The following CDH1 variants were observed in gnomAD, a reference collection of about 807,000 sequenced individuals.
CDH1 encodes the protein cadherin 1.
In CDH1, 35 loss-of-function variants were observed where a neutral mutation model predicts 84.5. That is an observed-to-expected ratio of 0.41 (90% CI 0.32 to 0.55). The LOEUF (loss-of-function observed/expected upper bound fraction) is 0.55, where lower values mean the gene tolerates loss of function less well. Ranked by LOEUF, CDH1 falls within the 20% of genes least tolerant of loss-of-function variation. CDH1 has a pLI of 0.19. For missense variants in CDH1, 994 were observed against 1,126.6 expected (o/e 0.88, Z 1.68); for synonymous variants, 417 against 439.0 (o/e 0.95, Z 0.63).
At position 68,745,340 on chromosome 16, in the gene CDH1, A is replaced by T. The variant is rs185033464; in HGVS notation, c.163+6929A>T. On this transcript the variant is annotated intron_variant, in intron 2 of 15. Coordinates refer to ENST00000261769, the MANE Select transcript of CDH1 (RefSeq NM_004360.5). The stretch of plus-strand genomic sequence containing the variant: ...TCTACAAAGATTAAAAAAAAAATTT[A>T]GCCAGGTATGGTGGCGTGCACCTGT... Among the ~76,000 whole-genome samples the T allele has an allele frequency of 5.7e-3, 858 of 151,200 alleles. 32 individuals carry two copies. The highest frequency in any genetic ancestry group is 0.043 in the Admixed American group (646 of 15,086).
Position 68,813,355 on chromosome 16 carries a change from A to G in CDH1, c.1180A>G (p.Thr394Ala), listed in dbSNP as rs1567507749. ...VPENEANVVI[T>A]TLKVTDADAP... ...TGAGAACGAGGCTAACGTCGTAATC[A>G]CCACACTGAAAGTGACTGATGCTGA... The change falls in exon 9 of 16, where the codon ACC (threonine) becomes GCC (alanine). Residue 394 changes from threonine (T) to alanine (A), a missense_variant. Physicochemically the swap from Thr to Ala is moderately conservative, Grantham distance 58. This residue lies in a region of CDH1 where 769 missense variants were observed against 881.8 expected (regional missense o/e 0.87). Transcript: ENST00000261769. 1 of 1,614,174 alleles carries G rather than the reference A, an allele frequency of 6.2e-7. No homozygotes were observed. Among genetic ancestry groups the G allele is most frequent in the South Asian group, 1.1e-5 (1 of 91,072 alleles).
At position 68,812,272 on chromosome 16, in the gene CDH1, A is replaced by G. The variant is rs780705655; in HGVS notation, c.1137+9A>G. 12 of 1,613,836 alleles carry G rather than the reference A, an allele frequency of 7.4e-6. No homozygotes were observed. Among genetic ancestry groups the G allele is most frequent in the Middle Eastern group, 1.6e-4 (1 of 6,084 alleles). On this transcript the variant is annotated intron_variant, in intron 8 of 15. Coordinates refer to ENST00000261769, the MANE Select transcript of CDH1 (RefSeq NM_004360.5). ...TCTTCAATCCCACCACGGTAATTCTATAACTCCTTAGAGGGTTTCCAAAGA... is the reference window on the plus strand; with the variant it reads ...TCTTCAATCCCACCACGGTAATTCTGTAACTCCTTAGAGGGTTTCCAAAGA...
intron 2 of CDH1, among the ~76,000 whole-genome samples, chr16:68,797,900 G>A (rs1051433862): frequency 1.3e-5 from 2 of 151,986 alleles, no homozygotes; most frequent in African/African-American, 4.8e-5. Flanking sequence ...CCAACATGGT[G>A]AAACCTTGTC....
chr16:68,781,959 G>A (rs1939067530), intron 2 of CDH1, among the ~76,000 whole-genome samples: 1 of 152,074 alleles, frequency 6.6e-6, no homozygotes, highest in South Asian at 2.1e-4. Context: ...TCAAGGAGGG[G>A]GTCAGAAAAA....
chr16:68,833,375 C>T lies in CDH1; in HGVS notation c.2525C>T (p.Ala842Val), dbSNP rs1961537969. ...GACTATGAAGGAAGCGGTTCCGAAG[C>T]TGCTAGTCTGAGCTCCCTGAACTCC... ...VFDYEGSGSE[A>V]ASLSSLNSSE... Residue 842 changes from alanine to valine, a missense_variant, in exon 16 of 16, where the codon GCT becomes GTT. Around this residue, in one of 3 missense-constraint regions of CDH1, gnomAD observed 769 missense variants for 881.8 expected, o/e 0.87. Transcript: ENST00000261769. 3 of 1,614,076 alleles carry T rather than the reference C, an allele frequency of 1.9e-6. No individual in the cohort carries two copies. Among genetic ancestry groups the T allele is most frequent in the Non-Finnish European group, 2.5e-6 (3 of 1,180,042 alleles).
chr16:68,766,485 T>C (rs1024134300), intron 2 of CDH1, among the ~76,000 whole-genome samples: 2 of 152,148 alleles, frequency 1.3e-5, no homozygotes, highest in African/African-American at 4.8e-5. Flanking sequence ...GGTCAATGTT[T>C]TCCCTCTGTA....
chr16:68,767,260 T>A (rs1420420923), intron 2 of CDH1, among the ~76,000 whole-genome samples: 1 of 151,718 alleles, frequency 6.6e-6, no homozygotes, highest in Non-Finnish European at 1.5e-5. Context: ...AGTGGCATGA[T>A]CTCAACTCAC....
At chr16:68,818,849 CAAAAAAAAA>C (rs758115524) in intron 10 of CDH1, among the ~76,000 whole-genome samples, 2 of 72,502 alleles carry the variant, frequency 2.8e-5, no homozygotes, top group African/African-American at 4.1e-5. Flanking sequence ...GACTCCGTCT[CAAAAAAAAA>C]AAAAAAAAAA....
intron 15 of CDH1, among the ~76,000 whole-genome samples, 156 bp downstream of exon 15, chr16:68,829,953 C>CTTTTTTTTTTT (rs67262350): frequency 1.1e-4 from 11 of 102,246 alleles, no homozygotes; most frequent in African/African-American, 3.5e-4. Context: ...CTTTTTTTTT[C>CTTTTTTTTTTT]TTTTTCTTTT....
Position 68,807,515 on chromosome 16 carries a change from A to T in CDH1, c.388-909A>T, listed in dbSNP as rs553327071. The stretch of plus-strand genomic sequence containing the variant: ...CAAGACCCTGCCTCTAAAAAAATTT[A>T]AAAAATTTAAAAAATTAGGTGCACA... On this transcript the variant is annotated intron_variant, in intron 3 of 15. Transcript: ENST00000261769. 1.5e-3 allele frequency among the ~76,000 whole-genome samples: 221 copies of T among 152,064 alleles called. 1 individual carries two copies. Among genetic ancestry groups the T allele is most frequent in the African/African-American group, 4.5e-3 (186 of 41,488 alleles).
rs3074434 is a variant in CDH1, at chr16:68,786,534, C to CTTTTTTTTTTTTTTTTTTTTTTTT, written c.164-15117_164-15116insTTTTTTTTTTTTTTTTTTTTTTTT. Among the ~76,000 whole-genome samples the CTTTTTTTTTTTTTTTTTTTTTTTT allele has an allele frequency of 2.7e-3, 203 of 73,946 alleles. 9 individuals carry two copies. The highest frequency in any genetic ancestry group is 3.0e-3 in the Non-Finnish European group (128 of 43,018). The allele number at this position is 73,946 out of a possible 152,430, so 48.5% of individuals were successfully genotyped here. A position where few individuals can be genotyped will look rare whatever the true frequency, so the allele number is the denominator to read the frequency against. ...CTTTCTGCTTTCTTTTTTTTTTTTT[C>CTTTTTTTTTTTTTTTTTTTTTTTT]TTTTTTTTTTTTTTTTTTTGGTATT... On this transcript the variant is annotated intron_variant, in intron 2 of 15. Transcript: ENST00000261769.
intron 3 of CDH1, among the ~76,000 whole-genome samples, chr16:68,804,901 G>T (rs1960615480): frequency 7.5e-6 from 1 of 132,532 alleles, no homozygotes; most frequent in Non-Finnish European, 1.5e-5. Flanking sequence ...TGGGAACACA[G>T]CTCACTGCAG....
At chr16:68,757,633 A>C (rs1963046771) in intron 2 of CDH1, among the ~76,000 whole-genome samples, 1 of 152,172 alleles carries the variant, frequency 6.6e-6, no homozygotes, top group African/African-American at 2.4e-5. Flanking sequence ...TCTCTTAGAG[A>C]AGATGAACTG....
At chr16:68,819,079 C>G (rs1204880451) in intron 10 of CDH1, among the ~76,000 whole-genome samples, 2 of 152,102 alleles carry the variant, frequency 1.3e-5, no homozygotes, top group African/African-American at 4.8e-5. Context: ...TGGTCTCAAA[C>G]CCCTGACCTC....
rs1018838862 is a variant in CDH1, at chr16:68,834,584, G to A, written c.*1085G>A. ...TTGCCCAAGATAGGAGTTCTCTGAT[G>A]CAGAAATTATTGGGCTCTTTTAGGG... is the stretch of plus-strand genomic sequence containing the variant. On this transcript the variant is annotated 3_prime_UTR_variant, in exon 16 of 16. Coordinates refer to ENST00000261769, the MANE Select transcript of CDH1 (RefSeq NM_004360.5). The A allele has an allele frequency of 4.1e-6, 1 of 241,252 alleles. No individual in the cohort carries two copies. Among genetic ancestry groups the A allele is most frequent in the Non-Finnish European group, 8.1e-6 (1 of 123,060 alleles). 14.9% of individuals were successfully genotyped at this position (241,252 alleles called of 1,614,324 possible).
chr16:68,777,175 A>T (rs965297326), intron 2 of CDH1, among the ~76,000 whole-genome samples: 2 of 152,298 alleles, frequency 1.3e-5, no homozygotes, highest in Admixed American at 1.3e-4. Context: ...GTCTTTCTCA[A>T]GCCTCATAGG....
intron 15 of CDH1, 62 bp from the exon 16 acceptor site, chr16:68,833,228 G>A: frequency 1.4e-6 from 2 of 1,431,132 alleles, no homozygotes; most frequent in Non-Finnish European, 2.0e-6. Flanking sequence ...TAGACTTCTT[G>A]CCCCAGATGA....
chr16:68,743,243 C>G (rs1255680242), intron 2 of CDH1, among the ~76,000 whole-genome samples: 1 of 152,134 alleles, frequency 6.6e-6, no homozygotes, highest in Non-Finnish European at 1.5e-5. Flanking sequence ...CCCTAAAATC[C>G]CCGAGAGGCA....
At chr16:68,745,547 A>ATATATATATATATATATGTATATAT (rs1491171815) in intron 2 of CDH1, among the ~76,000 whole-genome samples, 1 of 21,964 alleles carries the variant, frequency 4.6e-5, no homozygotes, top group African/African-American at 9.7e-5. Flanking sequence ...AAAAAAAAAA[A>ATATATATATATATATATGTATATAT]AAATATATAT....
Sources: allele counts gnomAD v4.1 joint callset (sites outside exome capture counted in the v4.1 genomes callset), GRCh38; gene constraint gnomAD v4.1.1; regional missense constraint gnomAD v4.1.1; transcripts MANE v1.5; gene names NCBI Gene and HGNC (gene_info 2026-07-23, HGNC 2026-07-21).